Variants in H3-3A observed in about 807,000 individuals in gnomAD.
H3-3A encodes histone H3.3.
For synonymous variants in H3-3A, 49 were observed against 61.4 expected, an observed-to-expected ratio of 0.80 and a Z score of 0.95; for missense variants, 7 against 184.0, an observed-to-expected ratio of 0.04 and a Z score of 5.57.
chr1:226,071,298 C>G, intron 3 of H3-3A, 53 bp from the exon 4 acceptor site: 1 of 1,485,918 alleles, frequency 6.7e-7, no homozygotes, highest in Non-Finnish European at 9.4e-7. Flanking sequence ...ATAGTTGGGT[C>G]TTAACTATTG....
intron 3 of H3-3A, chr1:226,067,265 C>T (rs1558102133): frequency 6.6e-6 from 1 of 152,042 alleles, no homozygotes; most frequent in African/African-American, 2.4e-5. Context: ...TGTAAACTTC[C>T]ATTGTTACTA....
rs1657768057 is a variant in H3-3A, at chr1:226,062,733, A to C, written c.-102A>C. The stretch of plus-strand genomic sequence containing the variant: ...TCAGCCATCTTTCAATTGTGTTCGC[A>C]GCCGCCGCCGCGCCGCCGTCGCTCT... On this transcript the variant is annotated 5_prime_UTR_variant, in exon 1 of 4. Coordinates refer to ENST00000366815, the MANE Select transcript of H3-3A (RefSeq NM_002107.7). 2 of 164,764 alleles carry C rather than the reference A, an allele frequency of 1.2e-5. No individual in the cohort carries two copies. The highest frequency in any genetic ancestry group is 2.7e-5 in the Non-Finnish European group (2 of 73,822). The allele number at this position is 164,764 out of a possible 1,614,324, so 10.2% of individuals were successfully genotyped here.
At chr1:226,062,615 T>C (rs1382089332), upstream of H3-3A, 2 of 79,308 alleles carry the variant, frequency 2.5e-5, no homozygotes, top group African/African-American at 1.0e-4. Flanking sequence ...AGAGGAGCTA[T>C]GGGGGCGGGG....
intron 2 of H3-3A, among the ~76,000 whole-genome samples, chr1:226,065,021 A>T (rs190759936): frequency 2.0e-5 from 3 of 152,376 alleles, no homozygotes; most frequent in African/African-American, 4.8e-5. Context: ...AGCCTCCGCA[A>T]ATATTACGAT....
At chr1:226,065,948 C>A in intron 3 of H3-3A, 139 bp downstream of exon 3, 3 of 743,718 alleles carry the variant, frequency 4.0e-6, no homozygotes, top group South Asian at 1.5e-5. Context: ...GTTGAGACTT[C>A]AGAAAGGTTA....
chr1:226,064,484 T>TA lies in H3-3A; in HGVS notation c.128+11dup, dbSNP rs750509756. On this transcript the variant is annotated splice_donor_region_variant and intron_variant, in intron 2 of 3. Coordinates refer to ENST00000366815, the MANE Select transcript of H3-3A (RefSeq NM_002107.7). ...GAAGAAACCTCATCGTTACAGGTAT[T>TA]AAAAAACAGGAAAAAAATGGGACAA... 113 of 1,608,982 alleles carry TA rather than the reference T, an allele frequency of 7.0e-5. No homozygotes were observed. The highest frequency in any genetic ancestry group is 1.8e-4 in the South Asian group (16 of 90,662).
At chr1:226,066,659 A>T (rs1234409340) in intron 3 of H3-3A, 1 of 152,278 alleles carries the variant, frequency 6.6e-6, no homozygotes, top group African/African-American at 2.4e-5. Flanking sequence ...CCCAGAATAC[A>T]GTAAAGCTAC....
At chr1:226,070,192 A>G (rs1658062607) in intron 3 of H3-3A, among the ~76,000 whole-genome samples, 1 of 152,150 alleles carries the variant, frequency 6.6e-6, no homozygotes, top group Non-Finnish European at 1.5e-5. Context: ...ATAAATAAGG[A>G]ACTGCCAGGC....
At chr1:226,062,590 C>CGGGGGCGGGGCGCGAGAGGAGCTAT (rs1657756764), upstream of H3-3A, 1 of 61,704 alleles carries the variant, frequency 1.6e-5, no homozygotes, top group Non-Finnish European at 3.3e-5. Context: ...GGGGGAAGGG[C>CGGGGGCGGGGCGCGAGAGGAGCTAT]GGGGGCGGGG....
At chr1:226,069,490 CTG>C (rs1236316842) in intron 3 of H3-3A, among the ~76,000 whole-genome samples, 2 of 152,140 alleles carry the variant, frequency 1.3e-5, no homozygotes, top group Non-Finnish European at 2.9e-5. Context: ...AGATCCAAAA[CTG>C]TTGGATTTAT....
rs1346366981 is a variant in H3-3A at position 226,066,805 on chromosome 1, C to G, written c.282+996C>G. 3 of 152,434 alleles carry G rather than the reference C, an allele frequency of 2.0e-5. No homozygotes were observed. In the East Asian group the frequency reaches 5.8e-4, roughly 29 times the overall value. The allele number at this position is 152,434 out of a possible 1,614,324, so 9.4% of individuals were successfully genotyped here. ...ACATTCCATTGGAGGATTTTCAAGG[C>G]TGCTGTTGCTGTGCTGGGCTTTTGC... is the stretch of plus-strand genomic sequence containing the variant. On this transcript the variant is annotated intron_variant, in intron 3 of 3. Coordinates refer to ENST00000366815, the MANE Select transcript of H3-3A (RefSeq NM_002107.7).
At chr1:226,066,127 TAAG>T (rs1214309322) in intron 3 of H3-3A, 1 of 450,432 alleles carries the variant, frequency 2.2e-6, no homozygotes, top group African/African-American at 2.0e-5. Flanking sequence ...TGCAGGACAT[TAAG>T]AAGAACTTGA....
intron 1 of H3-3A, among the ~76,000 whole-genome samples, chr1:226,063,492 G>C (rs1265153766): frequency 6.6e-6 from 1 of 152,114 alleles, no homozygotes; most frequent in Admixed American, 6.6e-5. Context: ...TTGGTGTTTT[G>C]TCTCTTTGGA....
intron 1 of H3-3A, among the ~76,000 whole-genome samples, chr1:226,063,407 C>T (rs1234427972): frequency 3.8e-5 from 5 of 132,556 alleles, no homozygotes; most frequent in African/African-American, 1.5e-4. Context: ...AAACTTGATG[C>T]ATTTGAAATG....
At chr1:226,066,433 G>C (rs1657927054) in intron 3 of H3-3A, 1 of 152,226 alleles carries the variant, frequency 6.6e-6, no homozygotes, top group South Asian at 2.1e-4. Flanking sequence ...CTTACATGTG[G>C]AGCATATTGA....
intron 1 of H3-3A, chr1:226,064,114 G>A (rs1657840455): frequency 5.1e-6 from 2 of 391,458 alleles, no homozygotes; most frequent in Admixed American, 4.3e-5. Flanking sequence ...TTTGAGAGGT[G>A]ATTGATACTG....
chr1:226,069,015 G>A (rs148714515), intron 3 of H3-3A, among the ~76,000 whole-genome samples: 385 of 151,714 alleles, frequency 2.5e-3, no homozygotes, highest in African/African-American at 8.8e-3. Context: ...TAGTGATAGG[G>A]CTAAAAAGGA....
chr1:226,063,268 A>G (rs991531513), intron 1 of H3-3A, among the ~76,000 whole-genome samples: 1 of 151,984 alleles, frequency 6.6e-6, no homozygotes, highest in Non-Finnish European at 1.5e-5. Context: ...AGTTGTTGCT[A>G]AGCTTCACCA....
At chr1:226,064,073 TG>T (rs147131207) in intron 1 of H3-3A, 4,976 of 277,008 alleles carry the variant, frequency 0.018, 223 homozygotes, top group African/African-American at 0.099. Context: ...GAGGTATTTT[TG>T]TTTTGCCGTT....
Sources: allele counts gnomAD v4.1 joint callset (sites outside exome capture counted in the v4.1 genomes callset), GRCh38; gene constraint gnomAD v4.1.1; transcripts MANE v1.5; gene names NCBI Gene and HGNC (gene_info 2026-07-23, HGNC 2026-07-21).